The following LMNB2 variants were observed in gnomAD, a reference collection of about 807,000 sequenced individuals.
LMNB2 encodes lamin-B2.
A neutral mutation model predicts 69.3 loss-of-function variants in LMNB2; 17 were observed. The observed-to-expected ratio is 0.25, with a 90% CI of 0.17 to 0.37. The LOEUF (loss-of-function observed/expected upper bound fraction) is 0.37. Ranked by LOEUF, LMNB2 falls within the 10% of genes least tolerant of loss-of-function variation. The pLI, the probability that LMNB2 is intolerant of heterozygous loss-of-function variation, is 1.00. For synonymous variants in LMNB2, 397 were observed against 389.3 expected (o/e 1.02, Z -0.23); for missense variants, 789 against 883.6 (o/e 0.89, Z 1.36).
chr19:2,435,257 G>T, intron 4 of LMNB2, 86 bp from the exon 5 acceptor site: 2 of 1,542,650 alleles, frequency 1.3e-6, no homozygotes, highest in South Asian at 2.3e-5. Flanking sequence ...GTGCCAAGAG[G>T]AACCTCCAGG....
chr19:2,450,127 T>C (rs891869832), intron 1 of LMNB2, among the ~76,000 whole-genome samples: 2 of 148,754 alleles, frequency 1.3e-5, no homozygotes, highest in Admixed American at 6.7e-5. Context: ...TACACATATA[T>C]ATATATATTC....
Position 2,432,467 on chromosome 19 carries a change from G to T in LMNB2, c.1539C>A (p.Ile513=). Residue 513 remains isoleucine (I), a synonymous_variant, in exon 9 of 12, where the codon ATC becomes ATA. Coordinates refer to ENST00000325327, the MANE Select transcript of LMNB2 (RefSeq NM_032737.4). ...IKRQVLEGEE[I]AYKFTPKYIL... Reference sequence around the variant, plus strand: ...TGTACTTGGGCGTGAACTTGTAGGCGATCTCCTCCCCCTCCAAGACCTGCC... The same window carrying T: ...TGTACTTGGGCGTGAACTTGTAGGCTATCTCCTCCCCCTCCAAGACCTGCC... 6.2e-7 allele frequency: 1 copy of T among 1,613,766 alleles called. No individual in the cohort carries two copies. The highest frequency in any genetic ancestry group is 1.3e-5 in the African/African-American group (1 of 74,920).
chr19:2,433,894 C>T lies in LMNB2; in HGVS notation c.1414G>A (p.Gly472Ser), dbSNP rs772540381. ...FHLAQQASAS[G>S]SVSIEEIDLE... Reference sequence around the variant, plus strand: ...TCGATCTCCTCGATGCTGACGCTACCCGAGGCCGAGGCCTGCTGGGCCAGG... The same window carrying T: ...TCGATCTCCTCGATGCTGACGCTACTCGAGGCCGAGGCCTGCTGGGCCAGG... Residue 472 changes from glycine to serine, a missense_variant, in exon 8 of 12, where the codon GGT becomes AGT. This residue lies in a region of LMNB2 where 609 missense variants were observed against 630.9 expected (regional missense o/e 0.97). Transcript: ENST00000325327. 1.2e-6 allele frequency: 2 copies of T among 1,612,324 alleles called. No homozygotes were observed. Among genetic ancestry groups the T allele is most frequent in the East Asian group, 2.2e-5 (1 of 44,846 alleles).
chr19:2,449,783 AAT>A (rs779609435), intron 1 of LMNB2, among the ~76,000 whole-genome samples: 14 of 150,548 alleles, frequency 9.3e-5, no homozygotes, highest in Non-Finnish European at 1.5e-4. Context: ...TCTCAAAAAA[AAT>A]ATACATATGT....
chr19:2,450,323 A>C (rs906047988), intron 1 of LMNB2, among the ~76,000 whole-genome samples: 10 of 151,986 alleles, frequency 6.6e-5, no homozygotes, highest in African/African-American at 2.4e-4. Context: ...GTAGTCACTA[A>C]ATGTCACGTG....
chr19:2,441,699 G>A (rs893553829), intron 2 of LMNB2, among the ~76,000 whole-genome samples: 3 of 152,230 alleles, frequency 2.0e-5, no homozygotes, highest in African/African-American at 4.8e-5. Context: ...AGGCATCAGC[G>A]ACACAGGCTG....
At position 2,438,057 on chromosome 19, in the gene LMNB2, G is replaced by A; in HGVS notation, c.684+106C>T. 16 of 1,552,724 alleles carry A rather than the reference G, an allele frequency of 1.0e-5. No individual in the cohort carries two copies. In the South Asian group the frequency reaches 1.8e-4, roughly 17 times the overall value. The stretch of plus-strand genomic sequence containing the variant: ...GGAAGGAGCCTCCCTAGAGCCGTGG[G>A]AGGGACCCCGGCCACACGGTGCCCT... On this transcript the variant is annotated intron_variant, in intron 4 of 11. Coordinates refer to ENST00000325327, the MANE Select transcript of LMNB2 (RefSeq NM_032737.4).
At chr19:2,450,901 A>G (rs1470291502) in intron 1 of LMNB2, among the ~76,000 whole-genome samples, 1 of 147,156 alleles carries the variant, frequency 6.8e-6, no homozygotes, top group Non-Finnish European at 1.5e-5. Context: ...AAGTGCTGGG[A>G]TTATAGGTGT....
Position 2,434,472 on chromosome 19 carries a change from A to T in LMNB2, c.1025T>A (p.Met342Lys). The T allele has an allele frequency of 6.2e-7, 1 of 1,613,190 alleles. No homozygotes were observed. Among genetic ancestry groups the T allele is most frequent in the Non-Finnish European group, 8.5e-7 (1 of 1,179,932 alleles). The change falls in exon 7 of 12, where the codon ATG becomes AAG. Residue 342 changes from methionine to lysine, a missense_variant. Physicochemically the swap from Met to Lys is moderately conservative, Grantham distance 95. Coordinates refer to ENST00000325327, the MANE Select transcript of LMNB2 (RefSeq NM_032737.4). ...EDRIRELEEA[M>K]AGERDKFRKM... ...CCGGAACTTGTCCCGCTCCCCGGCC[A>T]TGGCCTCCTCCAGCTCCCGAATGCG...
chr19:2,454,380 A>G (rs1180302790), intron 1 of LMNB2, among the ~76,000 whole-genome samples: 2 of 151,840 alleles, frequency 1.3e-5, no homozygotes, highest in South Asian at 4.2e-4. Context: ...CACCAGCTAC[A>G]TTCTTTCAGG....
rs1001518211 is a variant in LMNB2, at chr19:2,430,295, A to G, written c.*616T>C. 1 of 174,624 alleles carries G rather than the reference A, an allele frequency of 5.7e-6. No homozygotes were observed. Among genetic ancestry groups the G allele is most frequent in the Non-Finnish European group, 1.2e-5 (1 of 80,662 alleles). 10.8% of individuals were successfully genotyped at this position (174,624 alleles called of 1,614,324 possible). A position where few individuals can be genotyped will look rare whatever the true frequency, so the allele number is the denominator to read the frequency against. On this transcript the variant is annotated 3_prime_UTR_variant, in exon 12 of 12. Transcript: ENST00000325327. ...CCAAATAAAGTCAACGGTCCGAGAA[A>G]CCCGGCCGGTGCGCTGCCAGAACGG...
chr19:2,432,435 C>T lies in LMNB2; in HGVS notation c.1571G>A (p.Arg524His), dbSNP rs953502420. The change falls in exon 9 of 12, where the codon CGC (arginine) becomes CAC (histidine). Residue 524 changes from arginine (R) to histidine (H), a missense_variant. Coordinates refer to ENST00000325327, the MANE Select transcript of LMNB2 (RefSeq NM_032737.4). ...AYKFTPKYIL[R>H]AGQMVTVWAA... ...ACCTACCGTGACCATCTGGCCGGCG[C>T]GCAGGATGTACTTGGGCGTGAACTT... 18 of 1,613,174 alleles carry T rather than the reference C, an allele frequency of 1.1e-5. No homozygotes were observed. The highest frequency in any genetic ancestry group is 1.7e-5 in the Admixed American group (1 of 59,954).
chr19:2,444,099 G>A (rs954824954), intron 2 of LMNB2, among the ~76,000 whole-genome samples: 11 of 152,214 alleles, frequency 7.2e-5, no homozygotes, highest in African/African-American at 1.9e-4. Context: ...GTGCAAGCGC[G>A]TGTGCACACT....
At position 2,456,945 on chromosome 19, in the gene LMNB2, C is replaced by A; in HGVS notation, c.-12G>T. 4.0e-6 allele frequency: 4 copies of A among 987,864 alleles called. No homozygotes were observed. The highest frequency in any genetic ancestry group is 3.6e-6 in the Non-Finnish European group (3 of 833,024). 61.2% of individuals were successfully genotyped at this position (987,864 alleles called of 1,614,324 possible). ...CTCGGCGGGCTCATTCAATCCGCGC[C>A]GCCGGCTGCAAGATGGCGCCGCGCC... is the stretch of plus-strand genomic sequence containing the variant. On this transcript the variant is annotated 5_prime_UTR_variant, in exon 1 of 12. Transcript: ENST00000325327.
intron 1 of LMNB2, among the ~76,000 whole-genome samples, chr19:2,455,451 C>T (rs541471861): frequency 6.3e-4 from 96 of 152,108 alleles, no homozygotes; most frequent in African/African-American, 2.1e-3. Flanking sequence ...CTCTGAGGGA[C>T]GAGGCATATG....
intron 1 of LMNB2, among the ~76,000 whole-genome samples, chr19:2,451,983 G>C (rs1299784296): frequency 6.6e-6 from 1 of 152,036 alleles, no homozygotes; most frequent in Non-Finnish European, 1.5e-5. Context: ...GGGAACGTAA[G>C]GCCTGGCAGG....
In LMNB2 at chr19:2,432,363, C is replaced by A. The variant is rs1971750908; in HGVS notation, c.1590+53G>T. On this transcript the variant is annotated intron_variant, in intron 9 of 11. Coordinates refer to ENST00000325327, the MANE Select transcript of LMNB2 (RefSeq NM_032737.4). ...AGTCCTGTGCCTCCAGTCCCCTGAC[C>A]CCACCTCACACCCCATCCGTGGCCA... 7 of 1,396,542 alleles carry A rather than the reference C, an allele frequency of 5.0e-6. No individual in the cohort carries two copies. In the South Asian group the frequency reaches 6.9e-5, roughly 14 times the overall value. The allele number at this position is 1,396,542 out of a possible 1,614,324, so 86.5% of individuals were successfully genotyped here.
chr19:2,446,242 A>C (rs1796788224), intron 1 of LMNB2, among the ~76,000 whole-genome samples: 1 of 149,268 alleles, frequency 6.7e-6, no homozygotes, highest in Non-Finnish European at 1.5e-5. Flanking sequence ...TTCCCGACGG[A>C]GACCCAGCCC....
intron 1 of LMNB2, 134 bp downstream of exon 1, chr19:2,456,536 A>G: frequency 2.1e-6 from 2 of 974,872 alleles, no homozygotes; most frequent in Non-Finnish European, 2.7e-6. Context: ...GCCCCCCGAA[A>G]CCCCGCGGAA....
Sources: allele counts gnomAD v4.1 joint callset (sites outside exome capture counted in the v4.1 genomes callset), GRCh38; gene constraint gnomAD v4.1.1; regional missense constraint gnomAD v4.1.1; transcripts MANE v1.5; gene names NCBI Gene and HGNC (gene_info 2026-07-23, HGNC 2026-07-21).